The following SFI1 variants were observed in gnomAD, a reference collection of about 807,000 sequenced individuals.
SFI1 encodes protein SFI1 homolog.
Under a neutral mutation model 207.5 loss-of-function variants are expected in SFI1, and 195 were observed. The ratio of observed to expected loss-of-function variants is 0.94; its 90% CI spans 0.84 to 1.06. SFI1 has a LOEUF of 1.06. Among genes scored for constraint, SFI1 ranks in the 50% least tolerant of loss-of-function variants. SFI1 has a pLI of 0.00. For missense variants in SFI1, 1,634 were observed against 1,588.0 expected (o/e 1.03, Z -0.49); for synonymous variants, 630 against 598.9 (o/e 1.05, Z -0.76).
At chr22:31,569,416 A>C (rs1404424498) in intron 8 of SFI1, among the ~76,000 whole-genome samples, 3 of 152,156 alleles carry the variant, frequency 2.0e-5, no homozygotes, top group Non-Finnish European at 4.4e-5. Flanking sequence ...GCCTAATGCA[A>C]ATCTCTCAGT....
intron 23 of SFI1, among the ~76,000 whole-genome samples, 190 bp downstream of exon 23, chr22:31,611,493 G>A (rs1227935511): frequency 3.9e-5 from 6 of 152,220 alleles, no homozygotes; most frequent in African/African-American, 1.4e-4. Flanking sequence ...AGCCTAGCGA[G>A]TAGCCAGCCC....
chr22:31,593,012 G>A (rs2066330374), intron 15 of SFI1, among the ~76,000 whole-genome samples: 1 of 129,614 alleles, frequency 7.7e-6, no homozygotes, highest in Non-Finnish European at 1.6e-5. Flanking sequence ...CTCCCGGACG[G>A]CACGGCTGGC....
At chr22:31,608,132 A>G (rs998889424) in intron 22 of SFI1, 99 bp downstream of exon 22, 4 of 873,414 alleles carry the variant, frequency 4.6e-6, no homozygotes, top group African/African-American at 1.7e-5. Flanking sequence ...CTCCTCATAC[A>G]TGCCAGTTCC....
At chr22:31,507,994 T>C (rs1004817923) in intron 1 of SFI1, among the ~76,000 whole-genome samples, 1 of 152,112 alleles carries the variant, frequency 6.6e-6, no homozygotes, top group Non-Finnish European at 1.5e-5. Flanking sequence ...GAGAATCGCT[T>C]GAGCCCAGGA....
chr22:31,560,716 T>C (rs1032463644), intron 7 of SFI1, among the ~76,000 whole-genome samples: 29 of 146,972 alleles, frequency 2.0e-4, no homozygotes, highest in East Asian at 8.0e-4. Flanking sequence ...TTTTTTTTTT[T>C]CCCGAGATGG....
intron 9 of SFI1, 60 bp downstream of exon 9, chr22:31,573,274 C>T (rs1734566014): frequency 6.3e-7 from 1 of 1,576,528 alleles, no homozygotes; most frequent in South Asian, 1.1e-5. Flanking sequence ...CACTCTCCTG[C>T]TGCCAGTGGT....
intron 12 of SFI1, among the ~76,000 whole-genome samples, 178 bp downstream of exon 12, chr22:31,580,542 C>CTTTTTTTTTTTTTTTTTTTTTTTTT (rs11347645): frequency 1.0e-4 from 12 of 117,276 alleles, no homozygotes; most frequent in Non-Finnish European, 1.9e-4. Context: ...CTTTTCTTTT[C>CTTTTTTTTTTTTTTTTTTTTTTTTT]TTTTTTTTTT....
intron 4 of SFI1, among the ~76,000 whole-genome samples, chr22:31,539,814 C>G: frequency 6.6e-6 from 1 of 151,988 alleles, no homozygotes; most frequent in East Asian, 1.9e-4. Context: ...CTCCTGGGTT[C>G]AAGTGATTCT....
chr22:31,593,814 C>T (rs1410483913), intron 15 of SFI1, among the ~76,000 whole-genome samples: 2 of 148,470 alleles, frequency 1.3e-5, no homozygotes, highest in Non-Finnish European at 3.0e-5. Flanking sequence ...GCCAACACAG[C>T]GAAACCCCGT....
chr22:31,565,533 C>CAA (rs532600236), intron 8 of SFI1, among the ~76,000 whole-genome samples: 6,162 of 116,206 alleles, frequency 0.053, 132 homozygotes, highest in Non-Finnish European at 0.059. Flanking sequence ...CCCATCTCTA[C>CAA]AAAAAAAAAA....
intron 4 of SFI1, among the ~76,000 whole-genome samples, chr22:31,542,792 G>T (rs2059682484): frequency 6.6e-6 from 1 of 150,738 alleles, no homozygotes; most frequent in East Asian, 2.0e-4. Flanking sequence ...CTCCCAAGTA[G>T]CTGGGACTAC....
intron 7 of SFI1, among the ~76,000 whole-genome samples, chr22:31,557,685 CTG>C (rs2061305236): frequency 6.6e-6 from 1 of 152,144 alleles, no homozygotes; most frequent in Non-Finnish European, 1.5e-5. Context: ...TTACCGTAAA[CTG>C]TAAGTACCAT....
intron 7 of SFI1, among the ~76,000 whole-genome samples, chr22:31,560,400 CTTT>C (rs398061887): frequency 5.6e-5 from 7 of 125,534 alleles, no homozygotes; most frequent in Admixed American, 8.7e-5. Flanking sequence ...TGGTAATACT[CTTT>C]TTTTTTTTTT....
At chr22:31,602,846 C>A in intron 17 of SFI1, 61 bp downstream of exon 17, 1 of 1,557,314 alleles carries the variant, frequency 6.4e-7, no homozygotes, top group Non-Finnish European at 8.7e-7. Flanking sequence ...CTTGTTCTAG[C>A]AGCACCATGA....
intron 8 of SFI1, among the ~76,000 whole-genome samples, chr22:31,563,794 AG>A (rs2061975572): frequency 6.6e-6 from 1 of 151,784 alleles, no homozygotes; most frequent in Non-Finnish European, 1.5e-5. Context: ...CATGTTGGCC[AG>A]GCTGGTCTCG....
chr22:31,526,055 T>C (rs1053227169), intron 2 of SFI1, among the ~76,000 whole-genome samples: 1 of 152,200 alleles, frequency 6.6e-6, no homozygotes, highest in African/African-American at 2.4e-5. Flanking sequence ...TCCTCTGTTC[T>C]CAACCTTTTT....
intron 2 of SFI1, among the ~76,000 whole-genome samples, chr22:31,522,064 CTTTTTTTT>C (rs752422385): frequency 2.6e-5 from 2 of 76,362 alleles, no homozygotes; most frequent in Non-Finnish European, 4.7e-5. Context: ...TACACCTGGC[CTTTTTTTT>C]TTTTTTTTTT....
At chr22:31,528,173 T>C (rs2058116114) in intron 2 of SFI1, among the ~76,000 whole-genome samples, 1 of 150,690 alleles carries the variant, frequency 6.6e-6, no homozygotes, top group Non-Finnish European at 1.5e-5. Context: ...TAGTGTCAGC[T>C]ACTCAGGAGG....
intron 3 of SFI1, chr22:31,530,603 G>A (rs1335466241): frequency 2.1e-6 from 1 of 470,770 alleles, no homozygotes; most frequent in South Asian, 1.5e-5. Flanking sequence ...GGCTCACAGT[G>A]CAGAGGGAAT....
Sources: gnomAD v4.1 joint callset for allele counts (sites outside exome capture counted in the v4.1 genomes callset) on GRCh38, gnomAD v4.1.1 for gene constraint, MANE v1.5 for transcripts, NCBI Gene and HGNC (gene_info 2026-07-23, HGNC 2026-07-21) for gene names.